The following NCEH1 variants were observed in gnomAD, a reference collection of about 807,000 sequenced individuals.
The protein encoded by NCEH1 is 2-acetyl MAGE hydrolase.
Under a neutral mutation model 25.4 loss-of-function variants are expected in NCEH1, and 9 were observed. The ratio of observed to expected loss-of-function variants is 0.35; its 90% CI spans 0.21 to 0.62. The LOEUF (loss-of-function observed/expected upper bound fraction) is 0.62. Among genes scored for constraint, NCEH1 ranks in the 20% least tolerant of loss-of-function variants. The probability of loss-of-function intolerance (pLI) is 0.72; values close to 1 mark genes in which losing one functional copy is unlikely to be tolerated. For synonymous variants in NCEH1, 200 were observed against 199.8 expected, an observed-to-expected ratio of 1.00 and a Z score of -0.01; for missense variants, 412 against 501.1, an observed-to-expected ratio of 0.82 and a Z score of 1.70.
Position 172,701,259 on chromosome 3 carries a change from A to C in NCEH1, c.138+9588T>G, listed in dbSNP as rs1713658420. The stretch of plus-strand genomic sequence containing the variant: ...ACCCTCAGATCTGCTCTTGCTCCCA[A>C]ATCAGGGTCATGGTCCCCATTCACC... On this transcript the variant is annotated intron_variant, in intron 1 of 4. Transcript: ENST00000475381. Among the ~76,000 whole-genome samples the C allele has an allele frequency of 2.0e-5, 3 of 151,912 alleles. No individual in the cohort carries two copies. In the South Asian group the frequency reaches 6.2e-4, roughly 32 times the overall value.
intron 1 of NCEH1, among the ~76,000 whole-genome samples, chr3:172,677,224 A>G (rs1712058769): frequency 6.6e-6 from 1 of 152,242 alleles, no homozygotes; most frequent in South Asian, 2.1e-4. Context: ...AAGTTGGGTT[A>G]ATCTTCTGCT....
chr3:172,654,061 G>C (rs2108501367), intron 1 of NCEH1, among the ~76,000 whole-genome samples: 1 of 152,256 alleles, frequency 6.6e-6, no homozygotes, highest in East Asian at 1.9e-4. Context: ...GGCCTGGAAA[G>C]TGTTTTAACT....
chr3:172,682,482 G>A (rs1262543258), intron 1 of NCEH1, among the ~76,000 whole-genome samples: 2 of 152,130 alleles, frequency 1.3e-5, no homozygotes, highest in East Asian at 3.8e-4. Context: ...GCCACCACCT[G>A]AGACATTCCA....
intron 1 of NCEH1, among the ~76,000 whole-genome samples, chr3:172,698,968 T>C (rs1713534349): frequency 6.6e-6 from 1 of 151,994 alleles, no homozygotes; most frequent in East Asian, 1.9e-4. Context: ...AAAATAAAAG[T>C]CCTAAAGCAG....
intron 1 of NCEH1, among the ~76,000 whole-genome samples, chr3:172,690,113 C>A: frequency 6.6e-6 from 1 of 151,990 alleles, no homozygotes; most frequent in East Asian, 1.9e-4. Flanking sequence ...CCATGTTAGC[C>A]AGGATGGTCT....
intron 1 of NCEH1, among the ~76,000 whole-genome samples, chr3:172,695,684 C>A (rs1560207443): frequency 1.3e-5 from 2 of 152,188 alleles, no homozygotes; most frequent in Admixed American, 6.5e-5. Context: ...TGGCTCACGT[C>A]TGTAGTCCCA....
chr3:172,642,560 G>C (rs1716899946), intron 3 of NCEH1, among the ~76,000 whole-genome samples: 1 of 129,154 alleles, frequency 7.7e-6, no homozygotes, highest in Non-Finnish European at 1.6e-5. Flanking sequence ...GTGCTCTTGG[G>C]TTAGCCTGAA....
intron 1 of NCEH1, among the ~76,000 whole-genome samples, chr3:172,694,728 G>A (rs1310930353): frequency 6.6e-6 from 1 of 152,132 alleles, no homozygotes; most frequent in Non-Finnish European, 1.5e-5. Context: ...GCCCCACCCT[G>A]CTGGCAGTAC....
chr3:172,675,330 TA>T (rs1711926306), intron 1 of NCEH1, among the ~76,000 whole-genome samples: 1 of 151,204 alleles, frequency 6.6e-6, no homozygotes, highest in Non-Finnish European at 1.5e-5. Flanking sequence ...AATAAATAAA[TA>T]AATAAATAAA....
chr3:172,675,311 A>T lies in NCEH1; in HGVS notation c.139-27197T>A, dbSNP rs1361654973. ...GAGCAAGATCCTGTCTCAAATAAAT[A>T]AATAAATAAATAAATAAATAAATAA... On this transcript the variant is annotated intron_variant, in intron 1 of 4. Transcript: ENST00000475381. Among the ~76,000 whole-genome samples, 98 of 77,712 alleles carry T rather than the reference A, an allele frequency of 1.3e-3. 1 individual carries two copies. The highest frequency in any genetic ancestry group is 5.6e-3 in the Admixed American group (50 of 8,862). 51.0% of individuals were successfully genotyped at this position (77,712 alleles called of 152,430 possible).
At chr3:172,682,932 T>G (rs1712468495) in intron 1 of NCEH1, among the ~76,000 whole-genome samples, 1 of 152,180 alleles carries the variant, frequency 6.6e-6, no homozygotes, top group Non-Finnish European at 1.5e-5. Context: ...AAACAAATGT[T>G]TGGGAAAAAT....
chr3:172,678,429 A>C (rs1038957306), intron 1 of NCEH1, among the ~76,000 whole-genome samples: 4 of 151,226 alleles, frequency 2.6e-5, no homozygotes, highest in African/African-American at 9.7e-5. Flanking sequence ...GGAGTGTTTA[A>C]ATCTACACCA....
At chr3:172,662,925 T>A (rs1357559146) in intron 1 of NCEH1, among the ~76,000 whole-genome samples, 1 of 152,240 alleles carries the variant, frequency 6.6e-6, no homozygotes, top group African/African-American at 2.4e-5. Flanking sequence ...CCTGGATTCT[T>A]TGATTTCTTG....
At chr3:172,638,115 G>A (rs959367891) in intron 3 of NCEH1, among the ~76,000 whole-genome samples, 1 of 152,012 alleles carries the variant, frequency 6.6e-6, no homozygotes, top group Non-Finnish European at 1.5e-5. Flanking sequence ...AAATGTTTGT[G>A]AAATACGTTG....
Position 172,631,017 on chromosome 3 carries a change from TAAAAA to T in NCEH1, c.*2453_*2457del. ...AAATAGGAAAAGAAAGCCACAGTAC[TAAAAA>T]AAAAAAATCAATCTGCAGAGTGTAA... On this transcript the variant is annotated 3_prime_UTR_variant, in exon 5 of 5. Coordinates refer to ENST00000475381, the MANE Select transcript of NCEH1 (RefSeq NM_020792.6). The T allele has an allele frequency of 6.9e-6, 1 of 144,410 alleles. No homozygotes were observed. Among genetic ancestry groups the T allele is most frequent in the Non-Finnish European group, 1.5e-5 (1 of 65,466 alleles). 8.9% of individuals were successfully genotyped at this position (144,410 alleles called of 1,614,324 possible).
chr3:172,710,832 T>C lies in NCEH1; in HGVS notation c.138+15A>G. ...AAGAGGAGGAAGAGAGAAGCAGCGC[T>C]GGGCTGCACCTCACCACTTGCTGTG... On this transcript the variant is annotated intron_variant, in intron 1 of 4. Transcript: ENST00000475381. 1 of 1,613,488 alleles carries C rather than the reference T, an allele frequency of 6.2e-7. No homozygotes were observed. Among genetic ancestry groups the C allele is most frequent in the East Asian group, 2.2e-5 (1 of 44,874 alleles).
intron 1 of NCEH1, among the ~76,000 whole-genome samples, chr3:172,678,971 C>G (rs1322711910): frequency 6.6e-6 from 1 of 152,200 alleles, no homozygotes; most frequent in African/African-American, 2.4e-5. Context: ...CAAGAGTACA[C>G]CGAACAAAGG....
intron 1 of NCEH1, among the ~76,000 whole-genome samples, chr3:172,652,720 G>C (rs1215433555): frequency 6.6e-6 from 1 of 152,106 alleles, no homozygotes; most frequent in Non-Finnish European, 1.5e-5. Flanking sequence ...TTTTTAGACA[G>C]AGTCTCACTC....
chr3:172,642,601 T>TAAAA (rs1411772207), intron 3 of NCEH1, among the ~76,000 whole-genome samples: 1 of 39,116 alleles, frequency 2.6e-5, no homozygotes, highest in Admixed American at 2.2e-4. Flanking sequence ...TTGCTATTTC[T>TAAAA]ACAAAAAAAA....
Sources: gnomAD v4.1 joint callset for allele counts (sites outside exome capture counted in the v4.1 genomes callset) on GRCh38, gnomAD v4.1.1 for gene constraint, MANE v1.5 for transcripts, NCBI Gene and HGNC (gene_info 2026-07-23, HGNC 2026-07-21) for gene names.